CUL3: variants seen among roughly 807,000 people sequenced by gnomAD.
The protein encoded by CUL3 is cullin-3.
CUL3 carries 19 observed loss-of-function variants against 89.1 expected under a neutral mutation model. The ratio of observed to expected loss-of-function variants is 0.21; its 90% CI spans 0.15 to 0.31. The LOEUF (loss-of-function observed/expected upper bound fraction) is 0.31. Ranked by LOEUF, CUL3 falls within the 10% of genes least tolerant of loss-of-function variation. The pLI, the probability that CUL3 is intolerant of heterozygous loss-of-function variation, is 1.00. For missense variants in CUL3, 469 were observed against 942.3 expected, an observed-to-expected ratio of 0.50 and a Z score of 6.58; for synonymous variants, 351 against 308.4, an observed-to-expected ratio of 1.14 and a Z score of -1.45.
At chr2:224,533,376 T>C (rs183123053) in intron 3 of CUL3, among the ~76,000 whole-genome samples, 1 of 152,020 alleles carries the variant, frequency 6.6e-6, no homozygotes, top group African/African-American at 2.4e-5. Context: ...TTTCATTTTA[T>C]AGATGAGGAA....
At chr2:224,510,260 G>T (rs1574642459) in intron 6 of CUL3, among the ~76,000 whole-genome samples, 2 of 124,342 alleles carry the variant, frequency 1.6e-5, no homozygotes, top group Admixed American at 8.9e-5. Context: ...AGGTTTAACT[G>T]AAGAGTCTTT....
rs1178704210 is a variant in CUL3 at position 224,471,395 on chromosome 2, T to A, written c.*2850A>T. 2 of 198,480 alleles carry A rather than the reference T, an allele frequency of 1.0e-5. No individual in the cohort carries two copies. Among genetic ancestry groups the A allele is most frequent in the Non-Finnish European group, 2.1e-5 (2 of 96,164 alleles). The allele number at this position is 198,480 out of a possible 1,614,324, so 12.3% of individuals were successfully genotyped here. ...CCAAATTAAGGAATTAAATAATATT[T>A]AGAAACCTAAGATGATGCCAGTGTA... On this transcript the variant is annotated 3_prime_UTR_variant, in exon 16 of 16. Transcript: ENST00000264414.
At chr2:224,546,607 T>TCC (rs1440899447) in intron 2 of CUL3, among the ~76,000 whole-genome samples, 2 of 151,390 alleles carry the variant, frequency 1.3e-5, no homozygotes, top group African/African-American at 4.8e-5. Flanking sequence ...GAACAGGTCC[T>TCC]CCTTCATTTA....
At chr2:224,497,017 A>G (rs1692194247) in intron 12 of CUL3, among the ~76,000 whole-genome samples, 1 of 152,190 alleles carries the variant, frequency 6.6e-6, no homozygotes, top group Admixed American at 6.5e-5. Flanking sequence ...ATTAAATATC[A>G]AAATTAGAAT....
At chr2:224,495,553 T>C (rs1022502950) in intron 13 of CUL3, 3 of 222,966 alleles carry the variant, frequency 1.3e-5, no homozygotes, top group Non-Finnish European at 2.6e-5. Context: ...GCAATATTCT[T>C]GTGATGGTAG....
intron 1 of CUL3, among the ~76,000 whole-genome samples, chr2:224,563,783 T>C (rs1694973399): frequency 6.6e-6 from 1 of 152,146 alleles, no homozygotes; most frequent in African/African-American, 2.4e-5. Flanking sequence ...TTAACAGCCA[T>C]CTGGTTTATC....
intron 1 of CUL3, among the ~76,000 whole-genome samples, chr2:224,566,816 A>G (rs1300263650): frequency 6.6e-6 from 1 of 152,216 alleles, no homozygotes; most frequent in Non-Finnish European, 1.5e-5. Context: ...ACCCACATAC[A>G]AGCTGCATAT....
At chr2:224,481,827 T>G in intron 14 of CUL3, 65 bp downstream of exon 14, 141 of 1,142,716 alleles carry the variant, frequency 1.2e-4, no homozygotes, top group Non-Finnish European at 1.5e-4. Flanking sequence ...ATCCAATAGA[T>G]GAGATTTTTT....
At chr2:224,563,232 C>T in intron 1 of CUL3, 4 of 471,214 alleles carry the variant, frequency 8.5e-6, no homozygotes, top group South Asian at 4.7e-5. Context: ...AACATTATTC[C>T]CCTACATCTC....
chr2:224,548,995 T>C (rs1437277304), intron 2 of CUL3, among the ~76,000 whole-genome samples: 1 of 150,196 alleles, frequency 6.7e-6, no homozygotes, highest in Non-Finnish European at 1.5e-5. Context: ...CAATAAGGCC[T>C]GGTCTCCAAA....
At chr2:224,553,101 C>A (rs903007039) in intron 2 of CUL3, among the ~76,000 whole-genome samples, 1 of 152,154 alleles carries the variant, frequency 6.6e-6, no homozygotes, top group Non-Finnish European at 1.5e-5. Flanking sequence ...AGAGGTCCTA[C>A]CTTAGGAAAC....
intron 1 of CUL3, chr2:224,562,594 C>T (rs6436498): frequency 0.2 from 30,571 of 149,370 alleles, 3,436 homozygotes; most frequent in African/African-American, 0.24. Flanking sequence ...GGCGAGATCG[C>T]GCCAGCCCAC....
chr2:224,506,716 T>C (rs1692616192), intron 7 of CUL3, 142 bp downstream of exon 7: 5 of 716,232 alleles, frequency 7.0e-6, no homozygotes, highest in Admixed American at 3.4e-5. Context: ...TCCTAAAATA[T>C]GTAGGATAAT....
chr2:224,508,631 T>C (rs972683576), intron 6 of CUL3, among the ~76,000 whole-genome samples: 1 of 152,078 alleles, frequency 6.6e-6, no homozygotes, highest in African/African-American at 2.4e-5. Context: ...CATGCAAAAA[T>C]TAAATATCAT....
rs1456803241 is a variant in CUL3 at position 224,506,309 on chromosome 2, A to G, written c.1030-177T>C. ...ATCTAAGCCTCTATTAAAAATGTCA[A>G]TGAGAGAAGTATTATAACTTCCATA... On this transcript the variant is annotated intron_variant, in intron 7 of 15. Coordinates refer to ENST00000264414, the MANE Select transcript of CUL3 (RefSeq NM_003590.5). Among the ~76,000 whole-genome samples, 3 of 152,310 alleles carry G rather than the reference A, an allele frequency of 2.0e-5. No individual in the cohort carries two copies. In the East Asian group the frequency reaches 5.8e-4, roughly 29 times the overall value.
chr2:224,549,862 G>T (rs199581106), intron 2 of CUL3, among the ~76,000 whole-genome samples: 1 of 150,476 alleles, frequency 6.6e-6, no homozygotes, highest in Non-Finnish European at 1.5e-5. Context: ...ATATATGCGT[G>T]CACACACACA....
intron 1 of CUL3, among the ~76,000 whole-genome samples, chr2:224,559,293 A>T (rs888061831): frequency 7.3e-5 from 11 of 151,682 alleles, no homozygotes; most frequent in African/African-American, 2.4e-4. Context: ...CTACAAAAAA[A>T]TTTTTTAAGA....
intron 2 of CUL3, among the ~76,000 whole-genome samples, chr2:224,541,277 A>G (rs1694093339): frequency 6.6e-6 from 1 of 152,210 alleles, no homozygotes; most frequent in South Asian, 2.1e-4. Flanking sequence ...AAAATGAGCA[A>G]AAGACTTGAA....
chr2:224,478,320 G>T lies in CUL3; in HGVS notation c.2055C>A (p.Asp685Glu), dbSNP rs1236369670. The T allele has an allele frequency of 6.2e-7, 1 of 1,612,904 alleles. No individual in the cohort carries two copies. Among genetic ancestry groups the T allele is most frequent in the Non-Finnish European group, 8.5e-7 (1 of 1,179,498 alleles). The change falls in exon 15 of 16, where the codon GAC (aspartate) becomes GAA (glutamate). Residue 685 changes from aspartate (D) to glutamate (E), a missense_variant. Physicochemically the swap from Asp to Glu is conservative, Grantham distance 45 (BLOSUM62 2). Transcript: ENST00000264414. ...TCTGCCTTGTTTCTTTCCTCTCTGG[G>T]TCGGATTCACCTTGTTTGGCAGCAA... ...QTVAAKQGESDPERKETRQKV... is the reference protein window; with the variant it reads ...QTVAAKQGESEPERKETRQKV...
Sources: gnomAD v4.1 joint callset for allele counts (sites outside exome capture counted in the v4.1 genomes callset) on GRCh38, gnomAD v4.1.1 for gene constraint, MANE v1.5 for transcripts, NCBI Gene and HGNC (gene_info 2026-07-23, HGNC 2026-07-21) for gene names.